The following PRKCE variants were observed in gnomAD, a reference collection of about 807,000 sequenced individuals.
The protein encoded by PRKCE is protein kinase C epsilon type.
Under a neutral mutation model 85.4 loss-of-function variants are expected in PRKCE, and 16 were observed. The ratio of observed to expected loss-of-function variants is 0.19; its 90% confidence interval spans 0.13 to 0.28. The LOEUF is 0.28. PRKCE is among the 10% of genes least tolerant of loss of function. PRKCE has a pLI of 1.00. For synonymous variants in PRKCE, 388 were observed against 371.5 expected, an observed-to-expected ratio of 1.04 and a Z score of -0.51; for missense variants, 573 against 975.2, an observed-to-expected ratio of 0.59 and a Z score of 5.49.
chr2:46,184,434 A>AAC lies in PRKCE; in HGVS notation c.2068-274_2068-273dup, dbSNP rs3834107. On this transcript the variant is annotated intron_variant, in intron 14 of 14. Coordinates refer to ENST00000306156, the MANE Select transcript of PRKCE (RefSeq NM_005400.3). The surrounding 1 kb of genome is among the most constrained non-coding windows in gnomAD (Gnocchi z 5.0). ...GGGACCTTTGCATCATACACACACA[A>AAC]ACACACACACACACACACACACACA... is the stretch of plus-strand genomic sequence containing the variant. Among the ~76,000 whole-genome samples, 21,276 of 148,946 alleles carry AAC rather than the reference A, an allele frequency of 0.14. 1,772 individuals carry two copies. Among genetic ancestry groups the AAC allele is most frequent in the African/African-American group, 0.24 (9,739 of 40,422 alleles).
chr2:45,861,993 G>A (rs760423580), intron 2 of PRKCE, among the ~76,000 whole-genome samples: 5 of 152,184 alleles, frequency 3.3e-5, no homozygotes, highest in Non-Finnish European at 7.3e-5. Flanking sequence ...ACATACGCCA[G>A]CATAGTGTAC....
At chr2:45,713,973 G>C (rs1679876921) in intron 1 of PRKCE, among the ~76,000 whole-genome samples, 1 of 152,180 alleles carries the variant, frequency 6.6e-6, no homozygotes, top group African/African-American at 2.4e-5. Context: ...ACCTCCAAAA[G>C]GGAAGGGCAT....
At chr2:46,036,132 C>T (rs1328325059) in intron 10 of PRKCE, among the ~76,000 whole-genome samples, 2 of 152,038 alleles carry the variant, frequency 1.3e-5, no homozygotes, top group South Asian at 2.1e-4. Flanking sequence ...TCGAGTGGCC[C>T]GTGCAAAAGT....
chr2:46,079,338 T>A (rs1668846756), intron 10 of PRKCE, among the ~76,000 whole-genome samples: 1 of 151,896 alleles, frequency 6.6e-6, no homozygotes, highest in African/African-American at 2.4e-5. Flanking sequence ...TACAGGAGAG[T>A]TTAGCACATA....
Position 46,001,303 on chromosome 2 carries a change from A to G in PRKCE, c.824-101A>G. ...TATTTTCCAAATTATATCTTAAATG[A>G]ACATGTAATACTTCATGAACATATA... On this transcript the variant is annotated intron_variant, in intron 6 of 14. Coordinates refer to ENST00000306156, the MANE Select transcript of PRKCE (RefSeq NM_005400.3). The surrounding 1 kb of genome is among the most constrained non-coding windows in gnomAD (Gnocchi z 4.4). The G allele has an allele frequency of 9.4e-7, 1 of 1,060,850 alleles. No individual in the cohort carries two copies. The highest frequency in any genetic ancestry group is 1.2e-6 in the Non-Finnish European group (1 of 801,232). The allele number at this position is 1,060,850 out of a possible 1,614,324, so 65.7% of individuals were successfully genotyped here.
At chr2:46,130,951 G>C (rs970133855) in intron 11 of PRKCE, among the ~76,000 whole-genome samples, 2 of 152,192 alleles carry the variant, frequency 1.3e-5, no homozygotes, top group African/African-American at 4.8e-5. Flanking sequence ...CTTAAAAACT[G>C]GGGGTCACTT....
At chr2:45,717,557 G>A (rs771192655) in intron 1 of PRKCE, among the ~76,000 whole-genome samples, 11 of 152,210 alleles carry the variant, frequency 7.2e-5, no homozygotes, top group South Asian at 2.1e-4. Context: ...AGCAAAATAC[G>A]TTCCTTCTAA....
intron 1 of PRKCE, among the ~76,000 whole-genome samples, chr2:45,754,700 AT>A (rs1296707600): frequency 6.6e-6 from 1 of 152,142 alleles, no homozygotes; most frequent in African/African-American, 2.4e-5. Flanking sequence ...CAGGCTTCTA[AT>A]TTAGCTTCCC....
intron 2 of PRKCE, among the ~76,000 whole-genome samples, chr2:45,973,992 G>A (rs1702272147): frequency 6.6e-6 from 1 of 152,204 alleles, no homozygotes; most frequent in Non-Finnish European, 1.5e-5. Flanking sequence ...GGTGAATCCT[G>A]TGAAAGGAGT....
chr2:46,006,459 C>T (rs978879195), intron 8 of PRKCE, among the ~76,000 whole-genome samples: 3 of 148,708 alleles, frequency 2.0e-5, no homozygotes, highest in South Asian at 4.3e-4. Context: ...GAAAGATCTC[C>T]GGATTCCTTG....
chr2:45,758,045 T>C (rs1427336239), intron 1 of PRKCE, among the ~76,000 whole-genome samples: 1 of 152,172 alleles, frequency 6.6e-6, no homozygotes, highest in East Asian at 1.9e-4. Context: ...CAACAGGCTT[T>C]GTTGAAGAAC....
Position 45,993,298 on chromosome 2 carries a change from G to A in PRKCE, c.824-8106G>A, listed in dbSNP as rs60383211. Among the ~76,000 whole-genome samples the A allele has an allele frequency of 7.2e-5, 11 of 152,342 alleles. No individual in the cohort carries two copies. In the East Asian group the frequency reaches 1.2e-3, roughly 16 times the overall value. On this transcript the variant is annotated intron_variant, in intron 6 of 14. Transcript: ENST00000306156. Reference sequence around the variant, plus strand: ...GCCTCCAGGAGCCCATCTTGCTCCCGTTATGGCTGCCCAGAGTAACTGGAG... The same window carrying A: ...GCCTCCAGGAGCCCATCTTGCTCCCATTATGGCTGCCCAGAGTAACTGGAG...
At chr2:45,844,188 T>C (rs1691589699) in intron 2 of PRKCE, among the ~76,000 whole-genome samples, 1 of 152,226 alleles carries the variant, frequency 6.6e-6, no homozygotes, top group Non-Finnish European at 1.5e-5. Flanking sequence ...TCTCAACAGG[T>C]ATTCGGAAGA....
At chr2:46,055,886 C>T (rs1418012440) in intron 10 of PRKCE, among the ~76,000 whole-genome samples, 1 of 152,200 alleles carries the variant, frequency 6.6e-6, no homozygotes, top group Admixed American at 6.5e-5. Context: ...TGGTCTTGAA[C>T]TCCTGGGCTC....
rs1433169769 is a variant in PRKCE, at chr2:45,697,282, C to T, written c.348+44834C>T. On this transcript the variant is annotated intron_variant, in intron 1 of 14. Transcript: ENST00000306156. The surrounding 1 kb of genome is among the most constrained non-coding windows in gnomAD (Gnocchi z 4.2). ...CTGGCCTGGCCCTCCTGGCTGCCCA[C>T]ATTCTGCTTGGCTCTGGTCCGGAGG... Among the ~76,000 whole-genome samples the T allele has an allele frequency of 6.6e-6, 1 of 152,158 alleles. No individual in the cohort carries two copies. The highest frequency in any genetic ancestry group is 1.5e-5 in the Non-Finnish European group (1 of 68,024).
intron 1 of PRKCE, among the ~76,000 whole-genome samples, chr2:45,755,718 T>C (rs981908651): frequency 6.6e-6 from 1 of 152,204 alleles, no homozygotes; most frequent in African/African-American, 2.4e-5. Context: ...GCTCTGTGGC[T>C]TGTATATATT....
At chr2:45,665,479 C>A (rs1675867424) in intron 1 of PRKCE, among the ~76,000 whole-genome samples, 1 of 152,186 alleles carries the variant, frequency 6.6e-6, no homozygotes, top group Non-Finnish European at 1.5e-5. Context: ...TTTAAGTAAG[C>A]ATCAACTCTC....
intron 1 of PRKCE, among the ~76,000 whole-genome samples, chr2:45,794,910 A>G (rs1238955405): frequency 6.8e-6 from 1 of 146,286 alleles, no homozygotes; most frequent in African/African-American, 2.5e-5. Context: ...TCAAACAAGT[A>G]GAAATGTCAA....
At chr2:45,661,535 T>TTG (rs1553371782) in intron 1 of PRKCE, among the ~76,000 whole-genome samples, 3 of 136,546 alleles carry the variant, frequency 2.2e-5, no homozygotes, top group East Asian at 4.0e-4. Context: ...TTTTTGTTTT[T>TTG]TTTTTTTTTT....
Sources: gnomAD v4.1 joint callset for allele counts (sites outside exome capture counted in the v4.1 genomes callset) on GRCh38, gnomAD v4.1.1 for gene constraint, Gnocchi (gnomAD v3.1) non-coding constraint, MANE v1.5 for transcripts, NCBI Gene and HGNC (gene_info 2026-07-23, HGNC 2026-07-21) for gene names.